The following WHRN variants were observed in gnomAD, a reference collection of about 807,000 sequenced individuals.
The protein encoded by WHRN is CASK-interacting protein CIP98.
Under a neutral mutation model 68.3 loss-of-function variants are expected in WHRN, and 41 were observed. The ratio of observed to expected loss-of-function variants is 0.60; its 90% CI spans 0.47 to 0.78. WHRN has a LOEUF of 0.78. Ranked by LOEUF, WHRN falls within the 30% of genes least tolerant of loss-of-function variation. The pLI, the probability that WHRN is intolerant of heterozygous loss-of-function variation, is 0.00. For missense variants in WHRN, 1,243 were observed against 1,244.7 expected (o/e 1.00, Z 0.02); for synonymous variants, 560 against 561.3 (o/e 1.00, Z 0.03).
chr9:114,409,322 C>T (rs751576021), intron 7 of WHRN, among the ~76,000 whole-genome samples: 2 of 152,184 alleles, frequency 1.3e-5, no homozygotes, highest in Non-Finnish European at 2.9e-5. Flanking sequence ...AGGGAGACTG[C>T]AGAGAGAGCA....
chr9:114,435,008 G>C (rs576855366), intron 3 of WHRN, among the ~76,000 whole-genome samples: 50 of 152,170 alleles, frequency 3.3e-4, no homozygotes, highest in Non-Finnish European at 5.9e-4. Context: ...TTGTTCCTCT[G>C]CCCAAAACGT....
At position 114,477,541 on chromosome 9, in the gene WHRN, G is replaced by A. The variant is rs1002088884; in HGVS notation, c.837+1012C>T. Reference sequence around the variant, plus strand: ...CTTCTGCAAGTTAGAACACCCCACAGTGCTTTGGGCAACCACCCCTCTCCC... The same window carrying A: ...CTTCTGCAAGTTAGAACACCCCACAATGCTTTGGGCAACCACCCCTCTCCC... On this transcript the variant is annotated intron_variant, in intron 2 of 11. Transcript: ENST00000362057. 7.9e-5 allele frequency among the ~76,000 whole-genome samples: 12 copies of A among 151,926 alleles called. 1 individual carries two copies. In the East Asian group the frequency reaches 2.1e-3, roughly 27 times the overall value.
At chr9:114,475,517 A>G (rs1210973209) in intron 2 of WHRN, among the ~76,000 whole-genome samples, 1 of 152,124 alleles carries the variant, frequency 6.6e-6, no homozygotes, top group Non-Finnish European at 1.5e-5. Context: ...TAAAACTATA[A>G]CCAGCTCCAG....
chr9:114,483,958 C>T (rs1842289753), intron 1 of WHRN, among the ~76,000 whole-genome samples: 1 of 152,330 alleles, frequency 6.6e-6, no homozygotes, highest in Non-Finnish European at 1.5e-5. Context: ...CCTATGGGCA[C>T]CTGACTTCTG....
intron 3 of WHRN, among the ~76,000 whole-genome samples, chr9:114,445,538 A>C (rs1345527184): frequency 1.3e-5 from 2 of 152,206 alleles, no homozygotes; most frequent in African/African-American, 4.8e-5. Flanking sequence ...TGTATAAAGA[A>C]AAAAATTCCA....
chr9:114,463,607 A>C (rs1342464133), intron 3 of WHRN, among the ~76,000 whole-genome samples: 1 of 152,254 alleles, frequency 6.6e-6, no homozygotes, highest in Non-Finnish European at 1.5e-5. Flanking sequence ...CCACGGTTAT[A>C]CATGATGTCA....
intron 1 of WHRN, among the ~76,000 whole-genome samples, chr9:114,495,679 T>A (rs936528864): frequency 6.6e-6 from 1 of 152,098 alleles, no homozygotes; most frequent in Non-Finnish European, 1.5e-5. Context: ...TATATGGACC[T>A]GAGAAGCAGA....
intron 7 of WHRN, 110 bp downstream of exon 7, chr9:114,423,204 A>C: frequency 8.7e-7 from 1 of 1,152,564 alleles, no homozygotes; most frequent in Non-Finnish European, 1.3e-6. Flanking sequence ...CAAGGCACAC[A>C]GCTGGTAAGT....
chr9:114,433,411 C>T (rs1329050788), intron 3 of WHRN, among the ~76,000 whole-genome samples: 5 of 152,174 alleles, frequency 3.3e-5, no homozygotes, highest in Admixed American at 6.5e-5. Context: ...CGAAAGAAGC[C>T]GATTTCAGAG....
intron 3 of WHRN, among the ~76,000 whole-genome samples, chr9:114,438,132 G>A (rs1383815092): frequency 5.3e-5 from 8 of 152,154 alleles, no homozygotes; most frequent in African/African-American, 1.4e-4. Context: ...TTACCTGGGA[G>A]GCTGAAATGG....
At chr9:114,480,839 G>A (rs1399520707) in intron 1 of WHRN, among the ~76,000 whole-genome samples, 1 of 152,160 alleles carries the variant, frequency 6.6e-6, no homozygotes, top group Non-Finnish European at 1.5e-5. Context: ...AGTCAGTTAT[G>A]TTAAGAGAAA....
intron 1 of WHRN, among the ~76,000 whole-genome samples, chr9:114,499,685 G>A (rs1348992282): frequency 6.6e-6 from 1 of 152,224 alleles, no homozygotes. Flanking sequence ...CATGAGCGAG[G>A]GGCTGCAGGC....
intron 3 of WHRN, among the ~76,000 whole-genome samples, chr9:114,440,952 A>G (rs1838320455): frequency 6.6e-6 from 1 of 152,236 alleles, no homozygotes; most frequent in Non-Finnish European, 1.5e-5. Flanking sequence ...CCCAAGAAGC[A>G]GAGAAAGTCA....
chr9:114,406,957 G>A (rs1835084462), intron 8 of WHRN, 65 bp from the exon 9 acceptor site: 41 of 1,531,610 alleles, frequency 2.7e-5, no homozygotes, highest in East Asian at 1.7e-4. Context: ...AGGGGAGGCC[G>A]AGCAGCTGAG....
At chr9:114,448,013 C>T (rs1838984784) in intron 3 of WHRN, among the ~76,000 whole-genome samples, 1 of 152,084 alleles carries the variant, frequency 6.6e-6, no homozygotes, top group Non-Finnish European at 1.5e-5. Flanking sequence ...TTTCATGTGC[C>T]CCCTAGGGCC....
chr9:114,442,495 T>TCTGG (rs1285434438), intron 3 of WHRN, among the ~76,000 whole-genome samples: 1 of 152,120 alleles, frequency 6.6e-6, no homozygotes, highest in African/African-American at 2.4e-5. Context: ...AACTAGTGAA[T>TCTGG]CTGGGTGAAG....
rs768714315 is a variant in WHRN, at chr9:114,404,053, G to A, written c.2261C>T (p.Ser754Leu). 4.7e-5 allele frequency: 76 copies of A among 1,613,108 alleles called. No individual in the cohort carries two copies. The highest frequency in any genetic ancestry group is 1.1e-4 in the East Asian group (5 of 44,896). The change falls in exon 10 of 12, where the codon TCG becomes TTG. Residue 754 changes from serine (S) to leucine (L), a missense_variant. Coordinates refer to ENST00000362057, the MANE Select transcript of WHRN (RefSeq NM_015404.4). ...TRTASTLSQLSDSGQTLSEDS... is the reference protein window; with the variant it reads ...TRTASTLSQLLDSGQTLSEDS... ...CTCGCTTAGAGTCTGCCCGCTGTCC[G>A]AGAGCTGGGAGAGCGTAGAGGCTGC...
rs763404501 is a variant in WHRN at position 114,423,366 on chromosome 9, G to C, written c.1574C>G (p.Thr525Arg). The change falls in exon 7 of 12, where the codon ACG (threonine) becomes AGG (arginine). Residue 525 changes from threonine (T) to arginine (R), a missense_variant. Transcript: ENST00000362057. ...DTYSMVSYSD[T>R]GSSTGSHGTS... ...GCCGTGGCTGCCTGTGGATGAACCC[G>C]TGTCACTGTAGGAGACCATGGAGTA... 1.2e-6 allele frequency: 2 copies of C among 1,613,942 alleles called. No individual in the cohort carries two copies. Among genetic ancestry groups the C allele is most frequent in the Non-Finnish European group, 1.7e-6 (2 of 1,179,978 alleles).
At position 114,443,044 on chromosome 9, in the gene WHRN, A is replaced by G. The variant is rs538006859; in HGVS notation, c.964-16631T>C. 1.7e-4 allele frequency among the ~76,000 whole-genome samples: 26 copies of G among 152,346 alleles called. No homozygotes were observed. In the South Asian group the frequency reaches 4.6e-3, roughly 27 times the overall value. On this transcript the variant is annotated intron_variant, in intron 3 of 11. Transcript: ENST00000362057. ...GTTTCCACTTCTGTGCTTCATAGCC[A>G]TAAAGAAAGAAATTGACCTGCTCTT... is the stretch of plus-strand genomic sequence containing the variant.
Sources: allele counts gnomAD v4.1 joint callset (sites outside exome capture counted in the v4.1 genomes callset), GRCh38; gene constraint gnomAD v4.1.1; transcripts MANE v1.5; gene names NCBI Gene and HGNC (gene_info 2026-07-23, HGNC 2026-07-21).